The following AFG2A variants were observed in gnomAD, a reference collection of about 807,000 sequenced individuals.
AFG2A encodes the protein AAA ATPase AFG2A.
At chr4:122,990,662 C>T in the AFG2A span, among the ~76,000 whole-genome samples, 1 of 152,180 alleles carries the variant, frequency 6.6e-6, no homozygotes, top group Non-Finnish European at 1.5e-5. Context: ...TAGCTCACTT[C>T]ACTGTAGCGT....
the AFG2A span, among the ~76,000 whole-genome samples, chr4:123,051,101 T>C: frequency 1.3e-5 from 2 of 152,120 alleles, no homozygotes; most frequent in Non-Finnish European, 2.9e-5. Flanking sequence ...ATTTTAATAT[T>C]GATAGGCAAG....
the AFG2A span, among the ~76,000 whole-genome samples, chr4:122,950,131 A>G: frequency 6.6e-6 from 1 of 152,174 alleles, no homozygotes; most frequent in African/African-American, 2.4e-5. Flanking sequence ...GAGAATGTGC[A>G]TATTTATTCA....
chr4:123,178,533 C>T, the AFG2A span, among the ~76,000 whole-genome samples: 4 of 152,060 alleles, frequency 2.6e-5, no homozygotes, highest in Non-Finnish European at 4.4e-5. Flanking sequence ...TGTATAAGAC[C>T]TTTGCTTCCC....
At chr4:122,933,327 A>G in the AFG2A span, 40 of 798,742 alleles carry the variant, frequency 5.0e-5, no homozygotes, top group Middle Eastern at 3.2e-3. Flanking sequence ...TTGCAGGTGG[A>G]TTATTCTTTT....
At chr4:123,270,555 T>C in the AFG2A span, among the ~76,000 whole-genome samples, 1 of 152,156 alleles carries the variant, frequency 6.6e-6, no homozygotes, top group African/African-American at 2.4e-5. Flanking sequence ...TGCTTTCCCA[T>C]TTACTTATTC....
chr4:123,222,287 T>C, the AFG2A span, among the ~76,000 whole-genome samples: 6 of 152,330 alleles, frequency 3.9e-5, no homozygotes, highest in East Asian at 7.7e-4. Context: ...GTGTCTGTTA[T>C]TTTAAGTATC....
At chr4:123,173,361 T>G in the AFG2A span, among the ~76,000 whole-genome samples, 270 of 129,074 alleles carry the variant, frequency 2.1e-3, 2 homozygotes, top group Middle Eastern at 3.8e-3. Flanking sequence ...TTTTTTTTTT[T>G]TTTTTTTTTT....
At chr4:123,082,288 T>C in the AFG2A span, among the ~76,000 whole-genome samples, 1 of 152,140 alleles carries the variant, frequency 6.6e-6, no homozygotes, top group Non-Finnish European at 1.5e-5. Flanking sequence ...TGTAATCTAC[T>C]CCGAGTCAGT....
the AFG2A span, among the ~76,000 whole-genome samples, chr4:123,277,123 G>A: frequency 3.3e-5 from 5 of 152,072 alleles, no homozygotes; most frequent in Admixed American, 1.3e-4. Context: ...AGCATGGAAT[G>A]TTTTCTATTT....
At chr4:122,934,369 A>G in the AFG2A span, 135 of 1,614,110 alleles carry the variant, frequency 8.4e-5, 1 homozygote, top group Middle Eastern at 6.6e-4. Flanking sequence ...TGATGACAGA[A>G]TTACAAATAA....
chr4:122,956,611 T>A, the AFG2A span, among the ~76,000 whole-genome samples: 3 of 152,198 alleles, frequency 2.0e-5, no homozygotes, highest in African/African-American at 7.2e-5. Context: ...ATGAATCAGA[T>A]TATGAAGAGT....
the AFG2A span, among the ~76,000 whole-genome samples, chr4:123,158,665 G>T: frequency 3.9e-5 from 6 of 151,980 alleles, no homozygotes; most frequent in African/African-American, 1.4e-4. Context: ...TCTAGTCTAT[G>T]GAAAAAAAAT....
At chr4:123,108,433 G>C in the AFG2A span, among the ~76,000 whole-genome samples, 28 of 152,078 alleles carry the variant, frequency 1.8e-4, no homozygotes, top group African/African-American at 6.3e-4. Flanking sequence ...GGACAGTGCA[G>C]GTAAACCAGA....
At chr4:123,222,901 A>G in the AFG2A span, among the ~76,000 whole-genome samples, 3 of 152,276 alleles carry the variant, frequency 2.0e-5, no homozygotes, top group African/African-American at 4.8e-5. Flanking sequence ...ATATACCATC[A>G]TATGTATATG....
chr4:123,310,865 T>G, the AFG2A span, among the ~76,000 whole-genome samples: 1 of 152,216 alleles, frequency 6.6e-6, no homozygotes, highest in Non-Finnish European at 1.5e-5. Context: ...GCATCCTTTA[T>G]AAATAAAAAG....
At chr4:123,248,909 CAAG>C in the AFG2A span, among the ~76,000 whole-genome samples, 1 of 152,120 alleles carries the variant, frequency 6.6e-6, no homozygotes, top group Non-Finnish European at 1.5e-5. Flanking sequence ...GATAATTATA[CAAG>C]AAGAGTAATC....
chr4:123,059,128 CT>C, the AFG2A span, among the ~76,000 whole-genome samples: 1 of 82,170 alleles, frequency 1.2e-5, no homozygotes, highest in African/African-American at 3.1e-5. Flanking sequence ...TTTTTTTTTT[CT>C]TTTCTTTTTT....
At chr4:122,979,248 G>T in the AFG2A span, 1 of 1,614,134 alleles carries the variant, frequency 6.2e-7, no homozygotes, top group Non-Finnish European at 8.5e-7. Context: ...GTGCCTTGCG[G>T]AGAATCCTGA....
the AFG2A span, chr4:122,934,285 T>C: frequency 6.4e-5 from 103 of 1,614,062 alleles, no homozygotes; most frequent in Non-Finnish European, 8.1e-5. Flanking sequence ...CCTGGAGTTA[T>C]CCTTACAGCT....
Sources: allele counts gnomAD v4.1 joint callset (sites outside exome capture counted in the v4.1 genomes callset), GRCh38; gene constraint gnomAD v4.1.1; transcripts MANE v1.5; gene names NCBI Gene and HGNC (gene_info 2026-07-23, HGNC 2026-07-21).